Variants in SCN3B observed in about 807,000 individuals in gnomAD.
SCN3B encodes sodium voltage-gated channel beta subunit 3.
Under a neutral mutation model 25.4 loss-of-function variants are expected in SCN3B, and 11 were observed. The observed-to-expected ratio is 0.43, with a 90% confidence interval of 0.27 to 0.72. SCN3B has a LOEUF of 0.72. Among genes scored for constraint, SCN3B ranks in the 30% least tolerant of loss-of-function variants. The pLI is 0.18. For synonymous variants in SCN3B, 109 were observed against 110.7 expected (o/e 0.99, Z 0.09); for missense variants, 218 against 278.3 (o/e 0.78, Z 1.54).
intron 4 of SCN3B, chr11:123,639,045 T>C (rs536012075): frequency 6.5e-6 from 1 of 154,822 alleles, no homozygotes; most frequent in African/African-American, 2.4e-5. Flanking sequence ...TGCTGAAAAC[T>C]CTTCAATGCT....
chr11:123,653,151 C>CAAAA (rs3884445), intron 2 of SCN3B, among the ~76,000 whole-genome samples: 82 of 144,302 alleles, frequency 5.7e-4, no homozygotes, highest in South Asian at 1.8e-3. Flanking sequence ...ACAAACAAAC[C>CAAAA]AAAAAAAAAA....
chr11:123,629,835 TTTTTTC>T lies in SCN3B; in HGVS notation c.*3958_*3963del, dbSNP rs1243785743. On this transcript the variant is annotated 3_prime_UTR_variant, in exon 7 of 7. Transcript: ENST00000299333. ...GGCTTCTTTTGTTTTTGTTTTTCAT[TTTTTTC>T]TTTTTTCATTTTCATGTTAAACTGG... is the stretch of plus-strand genomic sequence containing the variant. 1 of 152,208 alleles carries T rather than the reference TTTTTTC, an allele frequency of 6.6e-6. No individual in the cohort carries two copies. Among genetic ancestry groups the T allele is most frequent in the Non-Finnish European group, 1.5e-5 (1 of 68,042 alleles). The allele number at this position is 152,208 out of a possible 1,614,324, so 9.4% of individuals were successfully genotyped here. A position where few individuals can be genotyped will look rare whatever the true frequency, so the allele number is the denominator to read the frequency against.
At chr11:123,638,369 C>T (rs1955753123) in intron 4 of SCN3B, 45 bp from the exon 5 acceptor site, 1 of 1,611,840 alleles carries the variant, frequency 6.2e-7, no homozygotes, top group Non-Finnish European at 8.5e-7. Flanking sequence ...ATCCAGCAAA[C>T]CTAGAGCCGT....
At chr11:123,652,629 A>G (rs922567871) in intron 2 of SCN3B, among the ~76,000 whole-genome samples, 1 of 152,214 alleles carries the variant, frequency 6.6e-6, no homozygotes, top group Admixed American at 6.5e-5. Context: ...ATTGTGTCCA[A>G]TTACCCTGTG....
Position 123,638,072 on chromosome 11 carries a change from CA to C in SCN3B, c.584+113del, listed in dbSNP as rs1955749217. On this transcript the variant is annotated intron_variant, in intron 5 of 6. Transcript: ENST00000299333. The stretch of plus-strand genomic sequence containing the variant: ...ATAATAATGGTGCCTATCTCTTAAG[CA>C]GTGATCATGAAGAGGGTGGAGGATG... 7 of 1,241,520 alleles carry C rather than the reference CA, an allele frequency of 5.6e-6. No individual in the cohort carries two copies. In the South Asian group the frequency reaches 7.7e-5, roughly 14 times the overall value. The allele number at this position is 1,241,520 out of a possible 1,614,324, so 76.9% of individuals were successfully genotyped here.
In SCN3B at chr11:123,642,703, C is replaced by T. The variant is rs1301274427; in HGVS notation, c.220-32G>A. On this transcript the variant is annotated intron_variant, in intron 3 of 6. Transcript: ENST00000299333. The surrounding 1 kb of genome is among the most constrained non-coding windows in gnomAD (Gnocchi z 4.3). Reference sequence around the variant, plus strand: ...ATAGAGGAGCAGAAGAGGGTAGGGCCAGGAAAGGAGATGGCAGTGGGGGGA... The same window carrying T: ...ATAGAGGAGCAGAAGAGGGTAGGGCTAGGAAAGGAGATGGCAGTGGGGGGA... 6.4e-7 allele frequency: 1 copy of T among 1,574,774 alleles called. No individual in the cohort carries two copies. The highest frequency in any genetic ancestry group is 1.3e-5 in the African/African-American group (1 of 74,266).
rs1384743456 is a variant in SCN3B at position 123,638,448 on chromosome 11, G to C, written c.446-124C>G. 4 of 1,339,104 alleles carry C rather than the reference G, an allele frequency of 3.0e-6. No individual in the cohort carries two copies. In the Admixed American group the frequency reaches 5.7e-5, roughly 19 times the overall value. 83.0% of individuals were successfully genotyped at this position (1,339,104 alleles called of 1,614,324 possible). Reference sequence around the variant, plus strand: ...TAAAGAAACTCAAGAAGATGTCAAAGGTATTCCAAATCCTGACTCTCCCGC... The same window carrying C: ...TAAAGAAACTCAAGAAGATGTCAAACGTATTCCAAATCCTGACTCTCCCGC... On this transcript the variant is annotated intron_variant, in intron 4 of 6. Coordinates refer to ENST00000299333, the MANE Select transcript of SCN3B (RefSeq NM_001040151.2).
intron 3 of SCN3B, 54 bp downstream of exon 3, chr11:123,645,533 C>G: frequency 6.3e-7 from 1 of 1,595,898 alleles, no homozygotes; most frequent in Non-Finnish European, 8.6e-7. Flanking sequence ...AGGAGCCAGG[C>G]TGGGAACAGC....
At chr11:123,639,608 C>G (rs865931598) in intron 4 of SCN3B, 1 of 152,292 alleles carries the variant, frequency 6.6e-6, no homozygotes, top group Admixed American at 6.5e-5. Flanking sequence ...GAACTCCTCA[C>G]CTCAGGTGAT....
chr11:123,644,796 AGAGAATATATATATATATATATAT>A (rs752648908), intron 3 of SCN3B, among the ~76,000 whole-genome samples: 3,351 of 53,342 alleles, frequency 0.063, 101 homozygotes, highest in African/African-American at 0.17. Context: ...AGAGAGAGAG[AGAGAATATATATATATATATATAT>A]ATATATATAT....
chr11:123,636,047 A>C (rs1253761290), intron 5 of SCN3B, among the ~76,000 whole-genome samples: 2 of 152,230 alleles, frequency 1.3e-5, no homozygotes, highest in African/African-American at 4.8e-5. Flanking sequence ...ATTGTTTACA[A>C]TTGTGAGGTT....
intron 5 of SCN3B, among the ~76,000 whole-genome samples, chr11:123,636,448 A>C (rs1292411438): frequency 1.3e-5 from 2 of 152,220 alleles, no homozygotes; most frequent in Non-Finnish European, 2.9e-5. Context: ...TGATAGAAAC[A>C]GGGAGAGGCA....
At chr11:123,636,491 C>T (rs1177326158) in intron 5 of SCN3B, among the ~76,000 whole-genome samples, 3 of 152,188 alleles carry the variant, frequency 2.0e-5, no homozygotes, top group Non-Finnish European at 4.4e-5. Flanking sequence ...ATTACAGGCA[C>T]TTGAGGTTTC....
At chr11:123,647,367 C>T (rs1484665193) in intron 2 of SCN3B, among the ~76,000 whole-genome samples, 1 of 151,924 alleles carries the variant, frequency 6.6e-6, no homozygotes, top group Admixed American at 6.6e-5. Context: ...AACTGTAGTC[C>T]CAACCACTCA....
chr11:123,654,075 C>T (rs1445332780), intron 1 of SCN3B, 151 bp downstream of exon 1: 1 of 555,416 alleles, frequency 1.8e-6, no homozygotes, highest in Non-Finnish European at 3.2e-6. Flanking sequence ...GCGCTCAGCA[C>T]CACGGACAGT....
Position 123,632,720 on chromosome 11 carries a change from A to C in SCN3B, c.*1079T>G, listed in dbSNP as rs576302738. Reference sequence around the variant, plus strand: ...TGAGAATTGCTTGAACCCAAGAGGCAGAGGTTGCAGTGAGCCGAGATCACA... The same window carrying C: ...TGAGAATTGCTTGAACCCAAGAGGCCGAGGTTGCAGTGAGCCGAGATCACA... On this transcript the variant is annotated 3_prime_UTR_variant, in exon 7 of 7. Transcript: ENST00000299333. 3 of 151,546 alleles carry C rather than the reference A, an allele frequency of 2.0e-5. No homozygotes were observed. In the East Asian group the frequency reaches 5.9e-4, roughly 30 times the overall value. 9.4% of individuals were successfully genotyped at this position (151,546 alleles called of 1,614,324 possible).
At chr11:123,654,023 G>C (rs1198461243) in intron 1 of SCN3B, 197 bp from the exon 2 acceptor site, 1 of 594,596 alleles carries the variant, frequency 1.7e-6, no homozygotes, top group East Asian at 2.8e-5. Flanking sequence ...GACCTCCCCA[G>C]TTCGAGGGAG....
At chr11:123,653,475 G>GA (rs1429318078) in intron 2 of SCN3B, among the ~76,000 whole-genome samples, 1 of 152,052 alleles carries the variant, frequency 6.6e-6, no homozygotes, top group Admixed American at 6.5e-5. Context: ...AAGGGAAAGG[G>GA]AAAAAATACT....
At chr11:123,637,448 G>A (rs1221750480) in intron 5 of SCN3B, among the ~76,000 whole-genome samples, 1 of 152,182 alleles carries the variant, frequency 6.6e-6, no homozygotes, top group Non-Finnish European at 1.5e-5. Context: ...CCATCTGTGT[G>A]CCTTGGTAAG....
Sources: gnomAD v4.1 joint callset for allele counts (sites outside exome capture counted in the v4.1 genomes callset) on GRCh38, gnomAD v4.1.1 for gene constraint, Gnocchi (gnomAD v3.1) non-coding constraint, MANE v1.5 for transcripts, NCBI Gene and HGNC (gene_info 2026-07-23, HGNC 2026-07-21) for gene names.